Variants in UQCC1 observed in about 807,000 individuals in gnomAD.
UQCC1 encodes the protein bFGF-repressed Zic-binding protein.
Under a neutral mutation model 48.0 loss-of-function variants are expected in UQCC1, and 38 were observed. The ratio of observed to expected loss-of-function variants is 0.79; its 90% confidence interval spans 0.61 to 1.04. The LOEUF (loss-of-function observed/expected upper bound fraction) is 1.04, where lower values mean the gene tolerates loss of function less well. Among genes scored for constraint, UQCC1 ranks in the 50% least tolerant of loss-of-function variants. UQCC1 has a pLI of 0.00. For missense variants in UQCC1, 368 were observed against 381.8 expected, an observed-to-expected ratio of 0.96 and a Z score of 0.30; for synonymous variants, 111 against 129.2, an observed-to-expected ratio of 0.86 and a Z score of 0.95.
chr20:35,390,328 G>C (rs2061998381), intron 2 of UQCC1, among the ~76,000 whole-genome samples: 1 of 151,930 alleles, frequency 6.6e-6, no homozygotes, highest in African/African-American at 2.4e-5. Context: ...AGGAGGCTGA[G>C]GCAGAAATGC....
At chr20:35,348,124 A>C (rs1290338338) in intron 6 of UQCC1, among the ~76,000 whole-genome samples, 1 of 152,202 alleles carries the variant, frequency 6.6e-6, no homozygotes, top group African/African-American at 2.4e-5. Context: ...GGGCTTAAGT[A>C]CAGTAGGCAC....
At chr20:35,378,820 A>G (rs759264466) in intron 4 of UQCC1, among the ~76,000 whole-genome samples, 4 of 152,170 alleles carry the variant, frequency 2.6e-5, no homozygotes, top group African/African-American at 9.6e-5. Context: ...ATTTTGCTAA[A>G]CTTAAAATCT....
At chr20:35,365,655 TA>T (rs34840052) in intron 6 of UQCC1, among the ~76,000 whole-genome samples, 2,680 of 119,022 alleles carry the variant, frequency 0.023, 66 homozygotes, top group African/African-American at 0.077. Flanking sequence ...AGACTATGTC[TA>T]AAAAAAAAAA....
intron 4 of UQCC1, among the ~76,000 whole-genome samples, chr20:35,381,232 CTTAA>C (rs1305314205): frequency 1.3e-5 from 2 of 152,062 alleles, no homozygotes; most frequent in African/African-American, 2.4e-5. Flanking sequence ...AGATCGTGGG[CTTAA>C]TTAGTTAATA....
intron 5 of UQCC1, among the ~76,000 whole-genome samples, chr20:35,372,738 G>A (rs533197929): frequency 2.6e-5 from 4 of 152,120 alleles, no homozygotes; most frequent in African/African-American, 4.8e-5. Flanking sequence ...GCATGGTGGC[G>A]TGCACCTGTA....
chr20:35,401,595 T>C (rs2062165630), intron 1 of UQCC1, among the ~76,000 whole-genome samples: 1 of 151,726 alleles, frequency 6.6e-6, no homozygotes, highest in Non-Finnish European at 1.5e-5. Context: ...TTTTAGCAAC[T>C]AGGTGAGTTC....
In UQCC1 at chr20:35,303,509, G is replaced by A. The variant is rs535921158; in HGVS notation, c.*426C>T. The A allele has an allele frequency of 8.2e-5, 14 of 170,530 alleles. No individual in the cohort carries two copies. Among genetic ancestry groups the A allele is most frequent in the Admixed American group, 5.6e-4 (10 of 18,014 alleles). 10.6% of individuals were successfully genotyped at this position (170,530 alleles called of 1,614,324 possible). ...CAACTCAACCCCATGGCTGAAAGCC[G>A]AGGGACAACGCGTGGTCACCGACCG... On this transcript the variant is annotated 3_prime_UTR_variant, in exon 10 of 10. Coordinates refer to ENST00000374385, the MANE Select transcript of UQCC1 (RefSeq NM_018244.5).
rs1568696141 is a variant in UQCC1 at position 35,381,948 on chromosome 20, T to C, written c.303A>G (p.Gly101=). The C allele has an allele frequency of 6.2e-7, 1 of 1,611,454 alleles. No homozygotes were observed. Reference sequence around the variant, plus strand: ...TACTGTATTTCAAAGGTCCCGTGAATCCCATGGCTTCTATTATCTTTGTGA... The same window carrying C: ...TACTGTATTTCAAAGGTCCCGTGAACCCCATGGCTTCTATTATCTTTGTGA... ...GAFTKIIEAM[G]FTGPLKYSKW... Residue 101 remains glycine (G), a synonymous_variant, in exon 4 of 10, where the codon GGA becomes GGG. Coordinates refer to ENST00000374385, the MANE Select transcript of UQCC1 (RefSeq NM_018244.5).
intron 9 of UQCC1, 144 bp from the exon 10 acceptor site, chr20:35,304,213 A>C (rs1349053833): frequency 9.3e-7 from 1 of 1,080,524 alleles, no homozygotes; most frequent in East Asian, 2.6e-5. Context: ...TCCCAGACCA[A>C]GCCGTCCCAG....
intron 6 of UQCC1, among the ~76,000 whole-genome samples, chr20:35,365,045 C>T (rs558085312): frequency 1.3e-5 from 2 of 152,282 alleles, no homozygotes; most frequent in East Asian, 3.9e-4. Flanking sequence ...GCTTCCTTCC[C>T]TGAACGCTAT....
chr20:35,392,818 TAATA>T (rs2062028949), intron 2 of UQCC1, among the ~76,000 whole-genome samples: 1 of 151,366 alleles, frequency 6.6e-6, no homozygotes, highest in Non-Finnish European at 1.5e-5. Flanking sequence ...ATAAATTATA[TAATA>T]TATATAATTA....
At chr20:35,376,392 G>A (rs2061800677) in intron 4 of UQCC1, among the ~76,000 whole-genome samples, 1 of 151,926 alleles carries the variant, frequency 6.6e-6, no homozygotes, top group Admixed American at 6.6e-5. Context: ...CAAATTTTCA[G>A]TATCAGGAAT....
At chr20:35,377,561 TGAGAA>T (rs1254772897) in intron 4 of UQCC1, among the ~76,000 whole-genome samples, 1 of 152,226 alleles carries the variant, frequency 6.6e-6, no homozygotes, top group Non-Finnish European at 1.5e-5. Context: ...ATCTGGATGA[TGAGAA>T]TAGAGCAGTG....
intron 2 of UQCC1, among the ~76,000 whole-genome samples, chr20:35,390,359 T>C (rs1277863405): frequency 1.3e-5 from 2 of 151,120 alleles, no homozygotes; most frequent in African/African-American, 2.4e-5. Context: ...GAGGCGGAGG[T>C]TGCAGTGAGC....
chr20:35,399,456 T>C (rs1319704364), intron 1 of UQCC1, among the ~76,000 whole-genome samples: 2 of 152,208 alleles, frequency 1.3e-5, no homozygotes, highest in Admixed American at 1.3e-4. Context: ...TCAGATTCTC[T>C]GGTTTGGGAA....
chr20:35,338,623 AT>A (rs1469840609), intron 7 of UQCC1, among the ~76,000 whole-genome samples: 1 of 151,440 alleles, frequency 6.6e-6, no homozygotes, highest in Non-Finnish European at 1.5e-5. Flanking sequence ...GAGCGGGTGG[AT>A]CACTTAAGGT....
At chr20:35,306,808 C>T in intron 8 of UQCC1, 29 bp from the exon 9 acceptor site, 1 of 1,552,278 alleles carries the variant, frequency 6.4e-7, no homozygotes, top group Non-Finnish European at 8.9e-7. Context: ...CAGTGGTCTC[C>T]TGAGGGATCC....
chr20:35,320,378 G>A (rs1600866933), intron 7 of UQCC1, among the ~76,000 whole-genome samples: 1 of 152,182 alleles, frequency 6.6e-6, no homozygotes, highest in Admixed American at 6.5e-5. Flanking sequence ...TCTGATGTTT[G>A]GGAAAGTTAA....
At chr20:35,410,716 A>AAAAAAAAAAAAAAAAAAAAAC (rs1370852913) in intron 1 of UQCC1, among the ~76,000 whole-genome samples, 3 of 108,764 alleles carry the variant, frequency 2.8e-5, no homozygotes, top group African/African-American at 3.9e-5. Context: ...AAAAAAAAAA[A>AAAAAAAAAAAAAAAAAAAAAC]AAAAAAAACA....
Sources: allele counts gnomAD v4.1 joint callset (sites outside exome capture counted in the v4.1 genomes callset), GRCh38; gene constraint gnomAD v4.1.1; transcripts MANE v1.5; gene names NCBI Gene and HGNC (gene_info 2026-07-23, HGNC 2026-07-21).